REV1: variants seen among roughly 807,000 people sequenced by gnomAD.
REV1 encodes the protein translesion synthesis protein REV1.
In REV1, 42 loss-of-function variants were observed where a neutral mutation model predicts 137.4. The observed-to-expected ratio is 0.31, with a 90% CI of 0.24 to 0.40. The LOEUF (loss-of-function observed/expected upper bound fraction) is 0.40. Ranked by LOEUF, REV1 falls within the 10% of genes least tolerant of loss-of-function variation. REV1 has a pLI of 1.00. For synonymous variants in REV1, 524 were observed against 519.2 expected, an observed-to-expected ratio of 1.01 and a Z score of -0.12; for missense variants, 1,282 against 1,490.1, an observed-to-expected ratio of 0.86 and a Z score of 2.30.
chr2:99,405,807 C>T (rs1407956043), intron 17 of REV1, 103 bp downstream of exon 17: 13 of 799,724 alleles, frequency 1.6e-5, no homozygotes, highest in African/African-American at 3.6e-5. Context: ...CTTGGTTAAA[C>T]GGATGAAGAA....
intron 8 of REV1, among the ~76,000 whole-genome samples, chr2:99,433,508 G>A (rs1680373146): frequency 6.6e-6 from 1 of 152,082 alleles, no homozygotes; most frequent in Admixed American, 6.6e-5. Context: ...CTTTCCTTTT[G>A]CCTTAATTTC....
intron 5 of REV1, 46 bp from the exon 6 acceptor site, chr2:99,439,356 G>T: frequency 7.4e-7 from 1 of 1,350,154 alleles, no homozygotes; most frequent in Non-Finnish European, 1.0e-6. Flanking sequence ...TGACTTTTAG[G>T]TTAAAACAAT....
At chr2:99,479,535 G>A (rs912668057) in intron 1 of REV1, among the ~76,000 whole-genome samples, 9 of 151,850 alleles carry the variant, frequency 5.9e-5, no homozygotes, top group Admixed American at 6.6e-5. Context: ...ACTATAATAT[G>A]AGATCTGTAA....
intron 2 of REV1, 169 bp from the exon 3 acceptor site, chr2:99,462,791 A>G (rs28369948): frequency 6.5e-4 from 432 of 659,942 alleles, no homozygotes; most frequent in African/African-American, 6.5e-3. Context: ...GGCAATAAAT[A>G]AAACAGGAAA....
chr2:99,413,053 TAATCTTTAAAG>T (rs2104489568), intron 12 of REV1, 102 bp from the exon 13 acceptor site: 1 of 853,958 alleles, frequency 1.2e-6, no homozygotes, highest in East Asian at 2.6e-5. Context: ...TAGTTTAAAA[TAATCTTTAAAG>T]TCTTTAGGCA....
rs1675310382 is a variant in REV1 at position 99,401,031 on chromosome 2, A to T, written c.*210T>A. On this transcript the variant is annotated 3_prime_UTR_variant, in exon 23 of 23. Coordinates refer to ENST00000258428, the MANE Select transcript of REV1 (RefSeq NM_016316.4). ...CTTTATAAACAAACATTTTGTAAAT[A>T]GAATCTATGCTACAGTAAAATAATT... 1 of 354,550 alleles carries T rather than the reference A, an allele frequency of 2.8e-6. No homozygotes were observed. Among genetic ancestry groups the T allele is most frequent in the African/African-American group, 2.1e-5 (1 of 48,630 alleles). 22.0% of individuals were successfully genotyped at this position (354,550 alleles called of 1,614,324 possible).
chr2:99,421,883 G>T (rs1678734791), intron 10 of REV1, among the ~76,000 whole-genome samples: 3 of 152,108 alleles, frequency 2.0e-5, no homozygotes, highest in Admixed American at 2.0e-4. Flanking sequence ...ATAGGAAAAT[G>T]TTTGAGGAGT....
intron 11 of REV1, among the ~76,000 whole-genome samples, chr2:99,420,907 A>T (rs1283799793): frequency 6.6e-6 from 1 of 152,210 alleles, no homozygotes. Flanking sequence ...TTAAGAAAGG[A>T]AGAGGTGACT....
At chr2:99,462,243 G>A (rs985845413) in intron 3 of REV1, among the ~76,000 whole-genome samples, 2 of 152,138 alleles carry the variant, frequency 1.3e-5, no homozygotes, top group Non-Finnish European at 2.9e-5. Flanking sequence ...CTACCCATGT[G>A]TGGTAATTTC....
rs959576868 is a variant in REV1, at chr2:99,439,278, T to C, written c.536A>G (p.Asn179Ser). The change falls in exon 6 of 23, where the codon AAT becomes AGT. Residue 179 changes from asparagine to serine, a missense_variant. Transcript: ENST00000258428. Reference sequence around the variant, plus strand: ...GTTCATGCCATTGACTTTGACTTCATTTTCCGTTTCAATCTTCTTAACGAT... The same window carrying C: ...GTTCATGCCATTGACTTTGACTTCACTTTCCGTTTCAATCTTCTTAACGAT... The part of the protein sequence containing the change: ...NHIVKKIETE[N>S]EVKVNGMNSW... The C allele has an allele frequency of 6.2e-7, 1 of 1,613,192 alleles. No homozygotes were observed. Among genetic ancestry groups the C allele is most frequent in the Non-Finnish European group, 8.5e-7 (1 of 1,179,264 alleles).
At chr2:99,405,773 A>G in intron 17 of REV1, 137 bp downstream of exon 17, 1 of 571,504 alleles carries the variant, frequency 1.7e-6, no homozygotes, top group Non-Finnish European at 2.8e-6. Context: ...TGATCTACCC[A>G]AACAAGTGGC....
intron 3 of REV1, among the ~76,000 whole-genome samples, chr2:99,453,249 C>T (rs1026899650): frequency 2.0e-5 from 3 of 151,722 alleles, no homozygotes; most frequent in Non-Finnish European, 4.4e-5. Flanking sequence ...GTCCCAGCTA[C>T]TCAGGAGGCT....
intron 8 of REV1, among the ~76,000 whole-genome samples, chr2:99,433,727 T>A (rs1270423243): frequency 2.0e-5 from 3 of 152,170 alleles, no homozygotes; most frequent in South Asian, 4.1e-4. Flanking sequence ...CCAAAAAAAA[T>A]TTAATTTCTA....
chr2:99,464,662 G>T (rs767287347), intron 2 of REV1, among the ~76,000 whole-genome samples: 2 of 152,046 alleles, frequency 1.3e-5, no homozygotes, highest in Non-Finnish European at 2.9e-5. Flanking sequence ...TGTATTATTA[G>T]CAATGCTGCA....
At chr2:99,430,078 G>A in intron 8 of REV1, 130 bp from the exon 9 acceptor site, 1 of 504,050 alleles carries the variant, frequency 2.0e-6, no homozygotes, top group Non-Finnish European at 3.4e-6. Context: ...TATCTCTATT[G>A]GTATTATCTC....
intron 1 of REV1, among the ~76,000 whole-genome samples, chr2:99,467,162 C>G (rs1684900228): frequency 6.6e-6 from 1 of 152,016 alleles, no homozygotes; most frequent in South Asian, 2.1e-4. Context: ...TGTGTAACGT[C>G]TGTTGTATAC....
Position 99,401,096 on chromosome 2 carries a change from T to C in REV1, c.*145A>G. On this transcript the variant is annotated 3_prime_UTR_variant, in exon 23 of 23. Coordinates refer to ENST00000258428, the MANE Select transcript of REV1 (RefSeq NM_016316.4). ...CATGCAATACTGACAAATTTGGCAC[T>C]TTTTGAAAAGAAATGTACAAAACAC... The C allele has an allele frequency of 2.0e-6, 1 of 500,218 alleles. No homozygotes were observed. Among genetic ancestry groups the C allele is most frequent in the Non-Finnish European group, 3.6e-6 (1 of 281,620 alleles). 31.0% of individuals were successfully genotyped at this position (500,218 alleles called of 1,614,324 possible). A position where few individuals can be genotyped will look rare whatever the true frequency, so the allele number is the denominator to read the frequency against.
intron 3 of REV1, among the ~76,000 whole-genome samples, chr2:99,453,801 G>A (rs1186622024): frequency 1.4e-5 from 2 of 145,494 alleles, no homozygotes; most frequent in East Asian, 2.0e-4. Context: ...GCTGAGGCAG[G>A]AGAATCCCTT....
intron 13 of REV1, among the ~76,000 whole-genome samples, 177 bp downstream of exon 13, chr2:99,412,554 T>C (rs1188500331): frequency 6.6e-6 from 1 of 152,178 alleles, no homozygotes; most frequent in Non-Finnish European, 1.5e-5. Context: ...GTCTCAGTCT[T>C]ATCTGGGGCT....
Sources: gnomAD v4.1 joint callset for allele counts (sites outside exome capture counted in the v4.1 genomes callset) on GRCh38, gnomAD v4.1.1 for gene constraint, MANE v1.5 for transcripts, NCBI Gene and HGNC (gene_info 2026-07-23, HGNC 2026-07-21) for gene names.